HECW2: variants seen among roughly 807,000 people sequenced by gnomAD.
The protein encoded by HECW2 is E3 ubiquitin-protein ligase HECW2.
A neutral mutation model predicts 175.2 loss-of-function variants in HECW2; 61 were observed. That is an observed-to-expected ratio of 0.35 (90% CI 0.28 to 0.43). The LOEUF is 0.43. HECW2 is among the 20% of genes least tolerant of loss of function. HECW2 has a pLI of 1.00. For missense variants in HECW2, 1,524 were observed against 2,000.5 expected, an observed-to-expected ratio of 0.76 and a Z score of 4.54; for synonymous variants, 671 against 731.0, an observed-to-expected ratio of 0.92 and a Z score of 1.32.
intron 1 of HECW2, among the ~76,000 whole-genome samples, chr2:196,493,802 G>A (rs1198028546): frequency 6.6e-6 from 1 of 152,156 alleles, no homozygotes; most frequent in Non-Finnish European, 1.5e-5. Context: ...CTAAATTTGG[G>A]GGAGGAGGGA....
At chr2:196,330,955 C>T (rs1462187366) in intron 4 of HECW2, among the ~76,000 whole-genome samples, 1 of 152,056 alleles carries the variant, frequency 6.6e-6, no homozygotes, top group Non-Finnish European at 1.5e-5. Context: ...TCTTTCTCCC[C>T]TTTATCTTTG....
chr2:196,233,632 G>T (rs1340022721), intron 21 of HECW2, among the ~76,000 whole-genome samples: 1 of 152,092 alleles, frequency 6.6e-6, no homozygotes, highest in Non-Finnish European at 1.5e-5. Context: ...AGGTGAGTAA[G>T]GTATTTTGAT....
Position 196,334,453 on chromosome 2 carries a change from A to G in HECW2, c.466T>C (p.Cys156Arg), listed in dbSNP as rs1559049040. ...ISGALRATTP[C>R]ITVKNPAVMM... ...ACAGCTGGGTTCTTCACGGTGATGC[A>G]GGGGGTCGTGGCTCGCAGGGCTCCA... The change falls in exon 4 of 29, where the codon TGC (cysteine) becomes CGC (arginine). Residue 156 changes from cysteine to arginine, a missense_variant. Transcript: ENST00000644978. 6.2e-7 allele frequency: 1 copy of G among 1,610,260 alleles called. No individual in the cohort carries two copies. Among genetic ancestry groups the G allele is most frequent in the Admixed American group, 1.7e-5 (1 of 59,558 alleles).
chr2:196,555,722 A>C (rs1457897353), intron 1 of HECW2, among the ~76,000 whole-genome samples: 2 of 152,240 alleles, frequency 1.3e-5, no homozygotes, highest in Non-Finnish European at 2.9e-5. Flanking sequence ...TTTAAAAAGA[A>C]AAGACAGCAT....
At chr2:196,230,248 A>C (rs1471607795) in intron 21 of HECW2, among the ~76,000 whole-genome samples, 1 of 152,146 alleles carries the variant, frequency 6.6e-6, no homozygotes, top group Non-Finnish European at 1.5e-5. Flanking sequence ...TGCTGTGACG[A>C]AGGCAGCCTT....
chr2:196,403,436 T>C (rs539806005), intron 2 of HECW2, among the ~76,000 whole-genome samples: 1 of 152,286 alleles, frequency 6.6e-6, no homozygotes, highest in South Asian at 2.1e-4. Context: ...TAAAAATGCA[T>C]CTCCTCATAT....
intron 17 of HECW2, among the ~76,000 whole-genome samples, chr2:196,266,527 C>T (rs1689525200): frequency 1.3e-5 from 2 of 152,024 alleles, no homozygotes; most frequent in African/African-American, 2.4e-5. Flanking sequence ...CAGGAGAGGA[C>T]TAAGGGAGAG....
chr2:196,227,477 GAGGCA>G (rs1178969085), intron 22 of HECW2, among the ~76,000 whole-genome samples: 2 of 152,172 alleles, frequency 1.3e-5, no homozygotes, highest in African/African-American at 4.8e-5. Context: ...AGGAAAGAGG[GAGGCA>G]ACACCTGGTT....
intron 23 of HECW2, 72 bp from the exon 24 acceptor site, chr2:196,222,412 G>A (rs1687702910): frequency 1.4e-6 from 2 of 1,414,454 alleles, no homozygotes; most frequent in East Asian, 2.4e-5. Context: ...CATAAGGAAA[G>A]AAACTAAGAA....
chr2:196,523,311 T>A (rs932686869), intron 1 of HECW2, among the ~76,000 whole-genome samples: 2 of 151,354 alleles, frequency 1.3e-5, no homozygotes, highest in Admixed American at 6.6e-5. Flanking sequence ...CTTGTGATTT[T>A]TGTACATTGA....
rs1559044724 is a variant in HECW2 at position 196,328,144 on chromosome 2, AG to A, written c.571+1430del. The stretch of plus-strand genomic sequence containing the variant: ...CATACTCTAAATTTTCTGAGCTATC[AG>A]GGTCGACAAATTGTTTCCTGCCTGT... On this transcript the variant is annotated intron_variant, in intron 5 of 28. Coordinates refer to ENST00000644978, the MANE Select transcript of HECW2 (RefSeq NM_001348768.2). Among the ~76,000 whole-genome samples the A allele has an allele frequency of 3.3e-5, 5 of 152,260 alleles. 1 individual carries two copies. The South Asian group carries it at 1.0e-3, about 32-fold the overall frequency.
Position 196,220,749 on chromosome 2 carries a change from CATT to C in HECW2, c.4293+43_4293+45del, listed in dbSNP as rs779971495. Reference sequence around the variant, plus strand: ...AGTACAATAAGATGGACTGTGGCATCATTGATATCAGACTGCAAACTCCTCCTA... The same window carrying C: ...AGTACAATAAGATGGACTGTGGCATCGATATCAGACTGCAAACTCCTCCTA... On this transcript the variant is annotated intron_variant, in intron 25 of 28. Transcript: ENST00000644978. The C allele has an allele frequency of 2.1e-3, 3,399 of 1,588,912 alleles. 10 individuals carry two copies. Among genetic ancestry groups the C allele is most frequent in the South Asian group, 4.1e-3 (373 of 90,280 alleles).
intron 1 of HECW2, among the ~76,000 whole-genome samples, chr2:196,454,194 A>G (rs1309637698): frequency 6.6e-6 from 1 of 152,140 alleles, no homozygotes; most frequent in Non-Finnish European, 1.5e-5. Context: ...TCCTGACCTC[A>G]AGCGATCCGC....
intron 2 of HECW2, among the ~76,000 whole-genome samples, chr2:196,412,397 G>A (rs572770697): frequency 1.3e-5 from 2 of 152,250 alleles, no homozygotes; most frequent in Non-Finnish European, 2.9e-5. Flanking sequence ...CTGTAAAGAC[G>A]CTGTCTCCAA....
At chr2:196,550,893 C>T (rs990641421) in intron 1 of HECW2, among the ~76,000 whole-genome samples, 1 of 152,064 alleles carries the variant, frequency 6.6e-6, no homozygotes, top group African/African-American at 2.4e-5. Context: ...AGCTTAAGAC[C>T]AAATACAGTC....
intron 2 of HECW2, among the ~76,000 whole-genome samples, chr2:196,395,703 G>GTTTT (rs3082114): frequency 5.2e-4 from 72 of 138,700 alleles, no homozygotes; most frequent in African/African-American, 2.0e-3. Flanking sequence ...GGATGACTAT[G>GTTTT]TTTTTTTTTT....
chr2:196,587,498 T>C (rs752473631), intron 1 of HECW2, among the ~76,000 whole-genome samples: 1 of 152,250 alleles, frequency 6.6e-6, no homozygotes, highest in Non-Finnish European at 1.5e-5. Flanking sequence ...TCTCTAAGTA[T>C]GTTTATGGTA....
At chr2:196,508,964 A>G (rs544068682) in intron 1 of HECW2, among the ~76,000 whole-genome samples, 1 of 152,284 alleles carries the variant, frequency 6.6e-6, no homozygotes, top group Non-Finnish European at 1.5e-5. Flanking sequence ...GCTACTCAGG[A>G]GGCTGAGGCA....
At chr2:196,421,220 C>A (rs1216816603) in intron 2 of HECW2, among the ~76,000 whole-genome samples, 2 of 151,998 alleles carry the variant, frequency 1.3e-5, no homozygotes, top group African/African-American at 4.8e-5. Context: ...TGTAAAAAGT[C>A]CAAACATATC....
Sources: allele counts gnomAD v4.1 joint callset (sites outside exome capture counted in the v4.1 genomes callset), GRCh38; gene constraint gnomAD v4.1.1; transcripts MANE v1.5; gene names NCBI Gene and HGNC (gene_info 2026-07-23, HGNC 2026-07-21).